Variants in MTF2 observed in about 807,000 individuals in gnomAD.
MTF2 encodes the protein metal-response element-binding transcription factor 2.
Under a neutral mutation model 79.5 loss-of-function variants are expected in MTF2, and 11 were observed. That is an observed-to-expected ratio of 0.14 (90% CI 0.09 to 0.23). MTF2 has a LOEUF of 0.23. MTF2 is among the 10% of genes least tolerant of loss of function. The pLI is 1.00. For synonymous variants in MTF2, 208 were observed against 232.8 expected (o/e 0.89, Z 0.97); for missense variants, 486 against 711.2 (o/e 0.68, Z 3.60).
intron 8 of MTF2, 52 bp downstream of exon 8, chr1:93,119,453 A>G: frequency 1.1e-5 from 15 of 1,327,534 alleles, no homozygotes; most frequent in Non-Finnish European, 1.6e-5. Flanking sequence ...TCTTAAACCT[A>G]CAAGTTGAAA....
At chr1:93,104,811 G>A (rs1474927) in intron 1 of MTF2, among the ~76,000 whole-genome samples, 73,629 of 151,750 alleles carry the variant, frequency 0.49, 21,302 homozygotes, top group South Asian at 0.67. Context: ...TCTTTCTGCC[G>A]TTTATGTATC....
intron 7 of MTF2, 26 bp from the exon 8 acceptor site, chr1:93,119,307 C>CTTT: frequency 7.1e-7 from 1 of 1,404,548 alleles, no homozygotes; most frequent in Non-Finnish European, 9.7e-7. Context: ...CAGTATAAAA[C>CTTT]TTTTTCTTTT....
chr1:93,136,479 C>T (rs541376858), intron 14 of MTF2, among the ~76,000 whole-genome samples, 191 bp from the exon 15 acceptor site: 46 of 152,228 alleles, frequency 3.0e-4, no homozygotes, highest in African/African-American at 1.0e-3. Flanking sequence ...GCTCCAAGAA[C>T]GTGACAAAAT....
chr1:93,093,052 C>G (rs929730227), intron 1 of MTF2, among the ~76,000 whole-genome samples: 2 of 151,894 alleles, frequency 1.3e-5, no homozygotes, highest in Admixed American at 6.6e-5. Flanking sequence ...CGTGGTGGCA[C>G]ATACCTGTAA....
At chr1:93,134,372 T>A (rs1647289079) in intron 14 of MTF2, 177 bp downstream of exon 14, 1 of 571,086 alleles carries the variant, frequency 1.8e-6, no homozygotes, top group South Asian at 2.4e-5. Flanking sequence ...TTTGAAATAT[T>A]TTTGCTTTCT....
intron 11 of MTF2, among the ~76,000 whole-genome samples, chr1:93,132,166 T>G (rs1656945800): frequency 6.6e-6 from 1 of 152,314 alleles, no homozygotes; most frequent in East Asian, 1.9e-4. Context: ...AGGTATGGAA[T>G]AGTCATCTTG....
At chr1:93,104,340 A>C (rs1156723659) in intron 1 of MTF2, among the ~76,000 whole-genome samples, 3 of 151,994 alleles carry the variant, frequency 2.0e-5, no homozygotes, top group African/African-American at 7.2e-5. Context: ...AGTAGAGTCT[A>C]TTTTTTACTT....
At position 93,114,793 on chromosome 1, in the gene MTF2, G is replaced by T. The variant is rs202202351; in HGVS notation, c.382+10G>T. 4 of 1,582,216 alleles carry T rather than the reference G, an allele frequency of 2.5e-6. No homozygotes were observed. Among genetic ancestry groups the T allele is most frequent in the Non-Finnish European group, 3.4e-6 (4 of 1,159,440 alleles). ...GACAAGTGTGGCCAAGGTAACCATT[G>T]ATTTCTTTTAATCTTGTTACATACT... On this transcript the variant is annotated intron_variant, in intron 4 of 14. Transcript: ENST00000370298.
chr1:93,120,856 T>G (rs1368359813), intron 9 of MTF2, 184 bp downstream of exon 9: 1 of 1,300,812 alleles, frequency 7.7e-7, no homozygotes, highest in African/African-American at 1.6e-5. Context: ...TCCTGTGTGT[T>G]TGTTGCCTGT....
intron 1 of MTF2, among the ~76,000 whole-genome samples, chr1:93,084,933 T>C (rs1654774167): frequency 2.6e-5 from 4 of 152,114 alleles, no homozygotes; most frequent in Admixed American, 2.6e-4. Flanking sequence ...AGTAAACCAT[T>C]TTCCTTGATA....
chr1:93,126,205 G>A (rs1241280180), intron 9 of MTF2, among the ~76,000 whole-genome samples: 2 of 151,926 alleles, frequency 1.3e-5, no homozygotes, highest in East Asian at 3.9e-4. Flanking sequence ...TGGGCTCTCA[G>A]TGAGTGTAGA....
Position 93,138,587 on chromosome 1 carries a change from A to C in MTF2, c.*1560A>C, listed in dbSNP as rs2101106969. ...AGAAGCAGAGAACTTCATTGTCTGCATTTGGTTCCTGGTTGGCCAGGTATA... is the reference window on the plus strand; with the variant it reads ...AGAAGCAGAGAACTTCATTGTCTGCCTTTGGTTCCTGGTTGGCCAGGTATA... On this transcript the variant is annotated 3_prime_UTR_variant, in exon 15 of 15. Coordinates refer to ENST00000370298, the MANE Select transcript of MTF2 (RefSeq NM_007358.4). The C allele has an allele frequency of 6.6e-6, 1 of 152,344 alleles. No individual in the cohort carries two copies. Among genetic ancestry groups the C allele is most frequent in the East Asian group, 1.9e-4 (1 of 5,192 alleles). The allele number at this position is 152,344 out of a possible 1,614,324, so 9.4% of individuals were successfully genotyped here. A position where few individuals can be genotyped will look rare whatever the true frequency, so the allele number is the denominator to read the frequency against.
chr1:93,113,252 C>T (rs546412173), intron 3 of MTF2, among the ~76,000 whole-genome samples: 2 of 151,424 alleles, frequency 1.3e-5, no homozygotes, highest in Admixed American at 1.3e-4. Flanking sequence ...GTGACACACA[C>T]GCCTGTGGTT....
At chr1:93,097,073 G>T (rs1655321820) in intron 1 of MTF2, among the ~76,000 whole-genome samples, 2 of 152,068 alleles carry the variant, frequency 1.3e-5, no homozygotes, top group Non-Finnish European at 2.9e-5. Flanking sequence ...GCCTCCCAAG[G>T]TGCTGGGATT....
In MTF2 at chr1:93,134,151, C is replaced by A. The variant is rs1323645271; in HGVS notation, c.1380C>A (p.Ser460=). The A allele has an allele frequency of 6.2e-7, 1 of 1,613,654 alleles. No homozygotes were observed. The highest frequency in any genetic ancestry group is 8.5e-7 in the Non-Finnish European group (1 of 1,179,728). ...CAGATGTGGATTTCACGGGTGCTTC[C>A]AGTGCAAAAGAAACTACCTCGTCTA... The part of the protein sequence containing the change: ...NTSDVDFTGA[S]SAKETTSSSI... The change falls in exon 14 of 15, where the codon TCC becomes TCA. Residue 460 remains serine, a synonymous_variant. Transcript: ENST00000370298.
chr1:93,103,021 A>C (rs1274003992), intron 1 of MTF2, among the ~76,000 whole-genome samples: 1 of 151,632 alleles, frequency 6.6e-6, no homozygotes, highest in Non-Finnish European at 1.5e-5. Context: ...AGTCTCAGCT[A>C]CTTGGGAGGC....
intron 1 of MTF2, among the ~76,000 whole-genome samples, chr1:93,108,638 T>A (rs76619605): frequency 0.024 from 3,580 of 148,932 alleles, 126 homozygotes; most frequent in African/African-American, 0.081. Flanking sequence ...CCTTTCAGCA[T>A]TTTTACTATG....
rs928300147 is a variant in MTF2 at position 93,118,429 on chromosome 1, A to G, written c.717A>G (p.Leu239=). Residue 239 remains leucine, a synonymous_variant, in exon 7 of 15, where the codon CTA becomes CTG. Coordinates refer to ENST00000370298, the MANE Select transcript of MTF2 (RefSeq NM_007358.4). ...TGCAATGCCTTCAAAAGCCAATGCTATTTGGAGACAGGTGAGAAGGGCATT... is the reference window on the plus strand; with the variant it reads ...TGCAATGCCTTCAAAAGCCAATGCTGTTTGGAGACAGGTGAGAAGGGCATT... ...ACVQCLQKPM[L]FGDRFYTFIC... The G allele has an allele frequency of 1.9e-6, 3 of 1,596,818 alleles. No homozygotes were observed. The highest frequency in any genetic ancestry group is 2.7e-5 in the African/African-American group (2 of 74,198).
chr1:93,120,801 G>T, intron 9 of MTF2, 129 bp downstream of exon 9: 3 of 1,448,160 alleles, frequency 2.1e-6, no homozygotes, highest in Non-Finnish European at 1.8e-6. Context: ...TTAGTTCTGG[G>T]GACAAATAAG....
Sources: gnomAD v4.1 joint callset for allele counts (sites outside exome capture counted in the v4.1 genomes callset) on GRCh38, gnomAD v4.1.1 for gene constraint, MANE v1.5 for transcripts, NCBI Gene and HGNC (gene_info 2026-07-23, HGNC 2026-07-21) for gene names.